The following UGGT1 variants were observed in gnomAD, a reference collection of about 807,000 sequenced individuals.
UGGT1 encodes UDP-glucose glycoprotein glucosyltransferase 1, also known as UDP-glucose:glycoprotein glucosyltransferase 1.
A neutral mutation model predicts 203.9 loss-of-function variants in UGGT1; 107 were observed. That is an observed-to-expected ratio of 0.52 (90% confidence interval 0.45 to 0.62). The LOEUF is 0.62. Ranked by LOEUF, UGGT1 falls within the 20% of genes least tolerant of loss-of-function variation. UGGT1 has a pLI of 0.00. For missense variants in UGGT1, 1,673 were observed against 1,867.2 expected, an observed-to-expected ratio of 0.90 and a Z score of 1.92; for synonymous variants, 628 against 653.5, an observed-to-expected ratio of 0.96 and a Z score of 0.59.
chr2:128,166,316 C>T (rs950739553), intron 26 of UGGT1, among the ~76,000 whole-genome samples: 3 of 152,172 alleles, frequency 2.0e-5, no homozygotes, highest in Non-Finnish European at 2.9e-5. Context: ...TGCATACACA[C>T]GGTCATATTT....
chr2:128,195,646 A>G lies in UGGT1; in HGVS notation c.*5904A>G, dbSNP rs1441063716. 6.6e-6 allele frequency: 1 copy of G among 152,216 alleles called. No homozygotes were observed. The highest frequency in any genetic ancestry group is 1.5e-5 in the Non-Finnish European group (1 of 68,046). The allele number at this position is 152,216 out of a possible 1,614,324, so 9.4% of individuals were successfully genotyped here. On this transcript the variant is annotated 3_prime_UTR_variant, in exon 41 of 41. Transcript: ENST00000259253. The stretch of plus-strand genomic sequence containing the variant: ...ACTGTAATGAAAATAAGGTCTGCTC[A>G]ACACAGTAAACGTTTCCTCTCTTCT...
chr2:128,113,000 T>C (rs1687938294), intron 5 of UGGT1, 84 bp from the exon 6 acceptor site: 2 of 1,251,514 alleles, frequency 1.6e-6, no homozygotes, highest in East Asian at 5.2e-5. Context: ...ATTTGAATTT[T>C]CATAACTGTA....
At chr2:128,096,730 A>G (rs1323483068) in intron 1 of UGGT1, among the ~76,000 whole-genome samples, 1 of 152,124 alleles carries the variant, frequency 6.6e-6, no homozygotes. Context: ...TTTTTGGGGG[A>G]CACAGTTCAA....
intron 5 of UGGT1, 79 bp downstream of exon 5, chr2:128,109,825 C>A: frequency 1.6e-6 from 2 of 1,212,910 alleles, no homozygotes; most frequent in South Asian, 1.3e-5. Flanking sequence ...CTGATTTTCT[C>A]ATCTGTTTTG....
At chr2:128,114,340 A>G (rs1687998970) in intron 6 of UGGT1, among the ~76,000 whole-genome samples, 1 of 152,032 alleles carries the variant, frequency 6.6e-6, no homozygotes, top group Admixed American at 6.6e-5. Context: ...CTGGTCTCAA[A>G]TTCCTGACCT....
chr2:128,115,265 G>T, intron 7 of UGGT1, 45 bp downstream of exon 7: 1 of 1,518,444 alleles, frequency 6.6e-7, no homozygotes, highest in Non-Finnish European at 9.1e-7. Flanking sequence ...TCAAATATGA[G>T]TTAAAGGGGA....
In UGGT1 at chr2:128,156,382, C is replaced by A. The variant is rs999367987; in HGVS notation, c.2237-10C>A. 15 of 1,587,634 alleles carry A rather than the reference C, an allele frequency of 9.4e-6. No individual in the cohort carries two copies. The African/African-American group carries it at 1.1e-4, about 11-fold the overall frequency. On this transcript the variant is annotated splice_polypyrimidine_tract_variant and intron_variant, in intron 20 of 40. Transcript: ENST00000259253. ...TTTTTTTCTACTCTTTTCTCTTTAC[C>A]TTTGTTCAGGAATGTCCTCCAAGGA...
intron 29 of UGGT1, among the ~76,000 whole-genome samples, chr2:128,173,419 T>G (rs1208301022): frequency 6.6e-6 from 1 of 152,228 alleles, no homozygotes; most frequent in Admixed American, 6.5e-5. Context: ...ATTTAGTATC[T>G]TATCCTCGTT....
rs147510821 is a variant in UGGT1 at position 128,183,475 on chromosome 2, G to C, written c.4245-200G>C. On this transcript the variant is annotated intron_variant, in intron 37 of 40. Transcript: ENST00000259253. The stretch of plus-strand genomic sequence containing the variant: ...TGGCAAATACAGAACAGTAACAAAA[G>C]CATAGCACAGTATAGATTTTGCAGT... Among the ~76,000 whole-genome samples the C allele has an allele frequency of 2.6e-3, 399 of 152,354 alleles. 2 individuals are homozygous for C. The highest frequency in any genetic ancestry group is 9.3e-3 in the African/African-American group (388 of 41,584).
At chr2:128,186,968 T>C (rs1405288375) in intron 39 of UGGT1, among the ~76,000 whole-genome samples, 169 bp downstream of exon 39, 1 of 152,202 alleles carries the variant, frequency 6.6e-6, no homozygotes, top group Admixed American at 6.5e-5. Context: ...TACAGAATAT[T>C]CTTATAAATA....
chr2:128,138,274 C>G (rs1440218001), intron 15 of UGGT1, among the ~76,000 whole-genome samples: 2 of 152,128 alleles, frequency 1.3e-5, no homozygotes, highest in Non-Finnish European at 2.9e-5. Flanking sequence ...AATCCCAGCA[C>G]TTTGGGAGGC....
intron 8 of UGGT1, among the ~76,000 whole-genome samples, chr2:128,117,644 C>T (rs998034361): frequency 3.3e-5 from 5 of 150,706 alleles, no homozygotes; most frequent in Non-Finnish European, 4.4e-5. Context: ...CCTGGGTTCA[C>T]GCTATTCTCC....
chr2:128,095,368 TTCC>T (rs1687063222), intron 1 of UGGT1, among the ~76,000 whole-genome samples: 1 of 151,818 alleles, frequency 6.6e-6, no homozygotes, highest in African/African-American at 2.4e-5. Flanking sequence ...CCTCTTCTTC[TTCC>T]TCTTCCCCTT....
chr2:128,191,682 C>A lies in UGGT1; in HGVS notation c.*1940C>A, dbSNP rs1692274000. 1 of 152,178 alleles carries A rather than the reference C, an allele frequency of 6.6e-6. No homozygotes were observed. The highest frequency in any genetic ancestry group is 2.4e-5 in the African/African-American group (1 of 41,416). The allele number at this position is 152,178 out of a possible 1,614,324, so 9.4% of individuals were successfully genotyped here. A position where few individuals can be genotyped will look rare whatever the true frequency, so the allele number is the denominator to read the frequency against. ...GACCAGCCTGGCCAATATGGTGAAA[C>A]CCCGTCTCTACTAAAAATACAAAAA... On this transcript the variant is annotated 3_prime_UTR_variant, in exon 41 of 41. Coordinates refer to ENST00000259253, the MANE Select transcript of UGGT1 (RefSeq NM_020120.4).
chr2:128,153,284 A>G (rs779861419), intron 19 of UGGT1, among the ~76,000 whole-genome samples: 9 of 152,200 alleles, frequency 5.9e-5, no homozygotes, highest in Non-Finnish European at 1.2e-4. Flanking sequence ...AATGTCAACA[A>G]ATATCTCAGT....
At chr2:128,133,031 C>T (rs1305221082) in intron 13 of UGGT1, 110 bp from the exon 14 acceptor site, 9 of 1,360,346 alleles carry the variant, frequency 6.6e-6, no homozygotes, top group Non-Finnish European at 8.1e-6. Context: ...TGAAAATGGT[C>T]TTGTCTCACA....
intron 13 of UGGT1, among the ~76,000 whole-genome samples, chr2:128,131,683 A>G (rs953335234): frequency 1.3e-5 from 2 of 152,116 alleles, no homozygotes; most frequent in African/African-American, 4.8e-5. Flanking sequence ...GCTGAAGTGC[A>G]GTGGTGTGAT....
chr2:128,183,935 TGTGAGA>T (rs1352762285), intron 38 of UGGT1, 146 bp downstream of exon 38: 17 of 518,498 alleles, frequency 3.3e-5, no homozygotes, highest in African/African-American at 3.9e-5. Flanking sequence ...TGTGTGTGTG[TGTGAGA>T]GAGAGAGAGA....
At chr2:128,119,911 G>A (rs1573525167) in intron 8 of UGGT1, among the ~76,000 whole-genome samples, 2 of 151,318 alleles carry the variant, frequency 1.3e-5, no homozygotes, top group South Asian at 2.1e-4. Context: ...AGGTATAGCC[G>A]AAGTCTCCTT....
Sources: gnomAD v4.1 joint callset for allele counts (sites outside exome capture counted in the v4.1 genomes callset) on GRCh38, gnomAD v4.1.1 for gene constraint, MANE v1.5 for transcripts, NCBI Gene and HGNC (gene_info 2026-07-23, HGNC 2026-07-21) for gene names.